Variants in AP2S1 observed in about 807,000 individuals in gnomAD.
The protein encoded by AP2S1 is AP-2 complex subunit sigma.
Under a neutral mutation model 21.0 loss-of-function variants are expected in AP2S1, and 6 were observed. The observed-to-expected ratio is 0.29, with a 90% CI of 0.16 to 0.56. The LOEUF (loss-of-function observed/expected upper bound fraction) is 0.56, where lower values mean the gene tolerates loss of function less well. Ranked by LOEUF, AP2S1 falls within the 20% of genes least tolerant of loss-of-function variation. The pLI is 0.92. For missense variants in AP2S1, 60 were observed against 186.2 expected (o/e 0.32, Z 3.95); for synonymous variants, 63 against 74.6 (o/e 0.84, Z 0.80).
chr19:46,840,973 T>C (rs1015680002), intron 2 of AP2S1, among the ~76,000 whole-genome samples: 11 of 152,056 alleles, frequency 7.2e-5, no homozygotes, highest in Admixed American at 2.6e-4. Context: ...TTGGTTTTTT[T>C]GAGACAGTCT....
intron 3 of AP2S1, among the ~76,000 whole-genome samples, 191 bp downstream of exon 3, chr19:46,839,274 A>G (rs1326132770): frequency 7.3e-6 from 1 of 137,060 alleles, no homozygotes; most frequent in East Asian, 2.1e-4. Context: ...GCGACAGAAC[A>G]AGACTCCGTC....
intron 1 of AP2S1, among the ~76,000 whole-genome samples, chr19:46,847,677 T>A (rs2055661458): frequency 1.3e-5 from 2 of 152,180 alleles, no homozygotes; most frequent in Non-Finnish European, 2.9e-5. Flanking sequence ...GGACATTGTA[T>A]ATGAGTGGAA....
chr19:46,850,374 C>G (rs976860762), intron 1 of AP2S1: 21 of 1,242,460 alleles, frequency 1.7e-5, no homozygotes, highest in Non-Finnish European at 2.1e-5. Flanking sequence ...CTCGTCCCAG[C>G]GCTCCCGCCA....
chr19:46,841,782 A>T (rs1222213103), intron 2 of AP2S1, among the ~76,000 whole-genome samples: 2 of 152,246 alleles, frequency 1.3e-5, no homozygotes, highest in Non-Finnish European at 2.9e-5. Context: ...TCAACTTGTG[A>T]CGAAGTTAAG....
chr19:46,841,895 CAG>C (rs1294821162), intron 2 of AP2S1, among the ~76,000 whole-genome samples: 1 of 152,184 alleles, frequency 6.6e-6, no homozygotes, highest in Admixed American at 6.5e-5. Context: ...GCGAGTCAGA[CAG>C]AGATTGGACG....
chr19:46,847,232 CCACT>C, intron 1 of AP2S1, among the ~76,000 whole-genome samples: 2 of 151,380 alleles, frequency 1.3e-5, no homozygotes, highest in East Asian at 1.9e-4. Context: ...GTAAAAATCA[CCACT>C]TTTTTTTTTT....
chr19:46,839,286 CAAAAAAAAAAAAAAAAAA>C (rs771792607), intron 3 of AP2S1, among the ~76,000 whole-genome samples, 161 bp downstream of exon 3: 1 of 72,958 alleles, frequency 1.4e-5, no homozygotes, highest in African/African-American at 5.1e-5. Context: ...GACTCCGTCT[CAAAAAAAAAAAAAAAAAA>C]AAAAAAAAAA....
chr19:46,841,536 G>A (rs994548742), intron 2 of AP2S1, among the ~76,000 whole-genome samples: 1 of 152,074 alleles, frequency 6.6e-6, no homozygotes, highest in African/African-American at 2.4e-5. Context: ...AACATCCCAC[G>A]CCACTGCCCC....
At chr19:46,848,081 A>G (rs1309320820) in intron 1 of AP2S1, among the ~76,000 whole-genome samples, 2 of 152,102 alleles carry the variant, frequency 1.3e-5, no homozygotes, top group African/African-American at 4.8e-5. Context: ...AGTAAAGGAT[A>G]TTCCTGGCCG....
chr19:46,840,614 C>G (rs146174962), intron 2 of AP2S1, among the ~76,000 whole-genome samples: 1 of 151,756 alleles, frequency 6.6e-6, no homozygotes, highest in Admixed American at 6.6e-5. Flanking sequence ...CACTCCAGCC[C>G]GGGAGACCCT....
In AP2S1 at chr19:46,838,512, C is replaced by T. The variant is rs1266748065; in HGVS notation, c.364G>A (p.Glu122Lys). The part of the protein sequence containing the change: ...TVVDEMFLAG[E>K]IRETSQTKVL... ...TTCGTCTGGCTGGTCTCTCGGATTT[C>T]GCCAGCCAGGAACATCTCGTCCACG... is the stretch of plus-strand genomic sequence containing the variant. The change falls in exon 5 of 5, where the codon GAA becomes AAA. Residue 122 changes from glutamate (E) to lysine (K), a missense_variant. Transcript: ENST00000263270. The surrounding 1 kb of genome is among the most constrained non-coding windows in gnomAD (Gnocchi z 4.1). The T allele has an allele frequency of 3.7e-6, 6 of 1,614,020 alleles. No individual in the cohort carries two copies. Among genetic ancestry groups the T allele is most frequent in the South Asian group, 1.1e-5 (1 of 91,076 alleles).
intron 2 of AP2S1, among the ~76,000 whole-genome samples, chr19:46,840,432 G>A (rs2055497553): frequency 6.7e-6 from 1 of 149,462 alleles, no homozygotes; most frequent in Admixed American, 6.7e-5. Context: ...CTTGAGCCCA[G>A]GAGTTTCAGG....
intron 1 of AP2S1, among the ~76,000 whole-genome samples, chr19:46,847,588 C>A (rs2055659452): frequency 3.9e-5 from 6 of 152,080 alleles, no homozygotes. Flanking sequence ...AACTCCCCAC[C>A]CATTAGCAGT....
intron 2 of AP2S1, among the ~76,000 whole-genome samples, chr19:46,840,837 T>G (rs1478941862): frequency 6.8e-6 from 1 of 146,680 alleles, no homozygotes; most frequent in Non-Finnish European, 1.5e-5. Flanking sequence ...CCTGCCTCAG[T>G]CTCCCGAGTA....
At position 46,838,887 on chromosome 19, in the gene AP2S1, C is replaced by T; in HGVS notation, c.268-88G>A. On this transcript the variant is annotated intron_variant, in intron 3 of 4. Transcript: ENST00000263270. This position sits in a 1 kb window ranked among gnomAD's most constrained non-coding sequence, Gnocchi z 4.1. ...TGGGAACAAGGTCATCAGAAAGAGACAGCAAAAAAAGAGACCAAGGGGGAG... is the reference window on the plus strand; with the variant it reads ...TGGGAACAAGGTCATCAGAAAGAGATAGCAAAAAAAGAGACCAAGGGGGAG... 7.6e-7 allele frequency: 1 copy of T among 1,313,058 alleles called. No homozygotes were observed. The highest frequency in any genetic ancestry group is 1.1e-6 in the Non-Finnish European group (1 of 923,754). 81.3% of individuals were successfully genotyped at this position (1,313,058 alleles called of 1,614,324 possible).
At chr19:46,839,439 C>CCCCCAAAAAACCACA in intron 3 of AP2S1, 26 bp downstream of exon 3, 8 of 1,569,678 alleles carry the variant, frequency 5.1e-6, no homozygotes, top group South Asian at 1.1e-5. Context: ...CCCGCCTCCC[C>CCCCCAAAAAACCACA]ACCTTACATC....
chr19:46,850,613 C>T (rs755575368), intron 1 of AP2S1, 151 bp downstream of exon 1: 142 of 732,652 alleles, frequency 1.9e-4, no homozygotes, highest in Non-Finnish European at 2.9e-5. Flanking sequence ...TGCCCTCCTT[C>T]CCGGCCCTGG....
chr19:46,850,375 G>T, intron 1 of AP2S1: 1 of 1,238,148 alleles, frequency 8.1e-7, no homozygotes, highest in Non-Finnish European at 1.0e-6. Flanking sequence ...TCGTCCCAGC[G>T]CTCCCGCCAC....
rs748463225 is a variant in AP2S1 at position 46,838,717 on chromosome 19, C to G, written c.327+23G>C. The G allele has an allele frequency of 3.7e-6, 6 of 1,611,240 alleles. No individual in the cohort carries two copies. The highest frequency in any genetic ancestry group is 1.3e-5 in the African/African-American group (1 of 74,866). Reference sequence around the variant, plus strand: ...CGTCCCCCTCCTCTGGCTCCTTCAGCCTCCTCTTCACCAGGAGCCTACCTT... The same window carrying G: ...CGTCCCCCTCCTCTGGCTCCTTCAGGCTCCTCTTCACCAGGAGCCTACCTT... On this transcript the variant is annotated intron_variant, in intron 4 of 4. Coordinates refer to ENST00000263270, the MANE Select transcript of AP2S1 (RefSeq NM_004069.6). This position sits in a 1 kb window ranked among gnomAD's most constrained non-coding sequence, Gnocchi z 4.1.
Sources: allele counts gnomAD v4.1 joint callset (sites outside exome capture counted in the v4.1 genomes callset), GRCh38; gene constraint gnomAD v4.1.1; non-coding constraint Gnocchi (gnomAD v3.1); transcripts MANE v1.5; gene names NCBI Gene and HGNC (gene_info 2026-07-23, HGNC 2026-07-21).